Variants in CNIH3 observed in about 807,000 individuals in gnomAD.
CNIH3 encodes cornichon family AMPA receptor auxiliary protein 3.
A neutral mutation model predicts 24.1 loss-of-function variants in CNIH3; 14 were observed. That is an observed-to-expected ratio of 0.58 (90% confidence interval 0.38 to 0.91). The LOEUF (loss-of-function observed/expected upper bound fraction) is 0.91, where lower values mean the gene tolerates loss of function less well. Ranked by LOEUF, CNIH3 falls within the 40% of genes least tolerant of loss-of-function variation. The probability of loss-of-function intolerance (pLI) is 0.00; values close to 1 mark genes in which losing one functional copy is unlikely to be tolerated. For missense variants in CNIH3, 178 were observed against 196.8 expected, an observed-to-expected ratio of 0.90 and a Z score of 0.57; for synonymous variants, 68 against 73.8, an observed-to-expected ratio of 0.92 and a Z score of 0.40.
At chr1:224,667,912 A>G (rs1685673987) in intron 1 of CNIH3, among the ~76,000 whole-genome samples, 1 of 152,176 alleles carries the variant, frequency 6.6e-6, no homozygotes. Flanking sequence ...TGGATAGACA[A>G]AGTATAGTGG....
rs1198000217 is a variant in CNIH3 at position 224,616,831 on chromosome 1, G to T, written c.-344G>T. The T allele has an allele frequency of 1.8e-6, 2 of 1,118,264 alleles. No homozygotes were observed. The highest frequency in any genetic ancestry group is 1.1e-6 in the Non-Finnish European group (1 of 914,950). The allele number at this position is 1,118,264 out of a possible 1,614,324, so 69.3% of individuals were successfully genotyped here. On this transcript the variant is annotated 5_prime_UTR_variant, in exon 1 of 6. Transcript: ENST00000272133. Reference sequence around the variant, plus strand: ...CGGTCCTCCGTGGAGTCGTCGCATCGCTTGTCGTGTTGGTCTCGAGGGGCT... The same window carrying T: ...CGGTCCTCCGTGGAGTCGTCGCATCTCTTGTCGTGTTGGTCTCGAGGGGCT...
At chr1:224,719,718 G>A (rs773233634) in intron 3 of CNIH3, among the ~76,000 whole-genome samples, 1 of 152,176 alleles carries the variant, frequency 6.6e-6, no homozygotes, top group Non-Finnish European at 1.5e-5. Context: ...GTTTACCGAA[G>A]TTTCTGTAGT....
chr1:224,444,790 G>A (rs1200830863), intron 1 of CNIH3, among the ~76,000 whole-genome samples: 5 of 151,376 alleles, frequency 3.3e-5, no homozygotes, highest in South Asian at 4.2e-4. Flanking sequence ...GATTACAGGC[G>A]TGCGCCACCA....
chr1:224,480,251 C>T (rs923808879), intron 1 of CNIH3, among the ~76,000 whole-genome samples: 8 of 152,222 alleles, frequency 5.3e-5, no homozygotes, highest in African/African-American at 1.9e-4. Flanking sequence ...GGACACACAG[C>T]ACCAAGTCCC....
intron 3 of CNIH3, among the ~76,000 whole-genome samples, chr1:224,723,635 C>T (rs923925809): frequency 3.9e-5 from 6 of 152,244 alleles, no homozygotes; most frequent in South Asian, 2.1e-4. Context: ...GGTCCTGGCT[C>T]ACTCAGGCAG....
intron 1 of CNIH3, among the ~76,000 whole-genome samples, chr1:224,518,148 C>T (rs556997030): frequency 4.6e-5 from 7 of 152,232 alleles, no homozygotes; most frequent in African/African-American, 1.7e-4. Context: ...AGCAGCAGAG[C>T]CGGCCCTCAC....
At chr1:224,626,657 C>T (rs564893907) in intron 1 of CNIH3, among the ~76,000 whole-genome samples, 21 of 152,114 alleles carry the variant, frequency 1.4e-4, no homozygotes, top group Middle Eastern at 3.4e-3. Context: ...CTCATGGGAT[C>T]GACATAAACT....
At chr1:224,438,993 G>C (rs1035039186) in intron 1 of CNIH3, among the ~76,000 whole-genome samples, 5 of 152,172 alleles carry the variant, frequency 3.3e-5, no homozygotes, top group African/African-American at 9.7e-5. Flanking sequence ...GGTTAGGATT[G>C]TTTCTGAGCT....
At chr1:224,449,053 C>T (rs1307086709) in intron 1 of CNIH3, among the ~76,000 whole-genome samples, 2 of 151,460 alleles carry the variant, frequency 1.3e-5, no homozygotes, top group Non-Finnish European at 2.9e-5. Flanking sequence ...CAACCTCCGC[C>T]TCTCAGGTTC....
rs548118575 is a variant in CNIH3 at position 224,684,931 on chromosome 1, C to T, written c.198+88C>T. 1 of 1,273,604 alleles carries T rather than the reference C, an allele frequency of 7.9e-7. No individual in the cohort carries two copies. Among genetic ancestry groups the T allele is most frequent in the African/African-American group, 1.5e-5 (1 of 68,116 alleles). 78.9% of individuals were successfully genotyped at this position (1,273,604 alleles called of 1,614,324 possible). On this transcript the variant is annotated intron_variant, in intron 3 of 5. Coordinates refer to ENST00000272133, the MANE Select transcript of CNIH3 (RefSeq NM_152495.2). The surrounding 1 kb of genome is among the most constrained non-coding windows in gnomAD (Gnocchi z 4.2). The stretch of plus-strand genomic sequence containing the variant: ...AAAGAGGCTAGTGAGGCTCTGCCTG[C>T]TCCAGTCCTGTCCACCAGGGAGGCA...
In CNIH3 at chr1:224,684,642, A is replaced by G. The variant is rs1686565185; in HGVS notation, c.151-154A>G. Among the ~76,000 whole-genome samples, 1 of 152,178 alleles carries G rather than the reference A, an allele frequency of 6.6e-6. No individual in the cohort carries two copies. Among genetic ancestry groups the G allele is most frequent in the Non-Finnish European group, 1.5e-5 (1 of 68,022 alleles). ...AAGAAAGTCAGAAACTCTGTTAGAA[A>G]AAGCCACTGGGTGGGAGCATGCTGG... On this transcript the variant is annotated intron_variant, in intron 2 of 5. Coordinates refer to ENST00000272133, the MANE Select transcript of CNIH3 (RefSeq NM_152495.2). This position sits in a 1 kb window ranked among gnomAD's most constrained non-coding sequence, Gnocchi z 4.2.
At chr1:224,621,893 G>A (rs1354738288) in intron 1 of CNIH3, among the ~76,000 whole-genome samples, 1 of 152,162 alleles carries the variant, frequency 6.6e-6, no homozygotes, top group Non-Finnish European at 1.5e-5. Flanking sequence ...GGAGGTAATT[G>A]AATCGTGGGG....
At chr1:224,491,941 C>A (rs1249114886) in intron 1 of CNIH3, among the ~76,000 whole-genome samples, 1 of 152,092 alleles carries the variant, frequency 6.6e-6, no homozygotes. Flanking sequence ...TTTGTAGAGA[C>A]AAGATCTTGC....
chr1:224,532,597 C>A (rs1170861492), intron 2 of CNIH3, among the ~76,000 whole-genome samples: 1 of 152,092 alleles, frequency 6.6e-6, no homozygotes, highest in Non-Finnish European at 1.5e-5. Context: ...CATAGGACAA[C>A]CAACAGGTAT....
chr1:224,517,628 C>T (rs1678447450), intron 1 of CNIH3, among the ~76,000 whole-genome samples: 1 of 151,886 alleles, frequency 6.6e-6, no homozygotes, highest in Admixed American at 6.6e-5. Context: ...CCCTCACCCC[C>T]TCCCACCCTT....
At chr1:224,480,917 C>A (rs1392271600) in intron 1 of CNIH3, among the ~76,000 whole-genome samples, 1 of 152,122 alleles carries the variant, frequency 6.6e-6, no homozygotes, top group Non-Finnish European at 1.5e-5. Context: ...TTTTTGGTAT[C>A]TTTTCAGCAA....
At position 224,654,954 on chromosome 1, in the gene CNIH3, G is replaced by A. The variant is rs543305436; in HGVS notation, c.82-26004G>A. ...TAACCTTCAGGTCTCTCTTTGGCTCGTGTATCTTTTAGGGTCCCATTAGAA... is the reference window on the plus strand; with the variant it reads ...TAACCTTCAGGTCTCTCTTTGGCTCATGTATCTTTTAGGGTCCCATTAGAA... On this transcript the variant is annotated intron_variant, in intron 1 of 5. Coordinates refer to ENST00000272133, the MANE Select transcript of CNIH3 (RefSeq NM_152495.2). 6.6e-5 allele frequency among the ~76,000 whole-genome samples: 10 copies of A among 152,238 alleles called. No individual in the cohort carries two copies. In the South Asian group the frequency reaches 1.7e-3, roughly 25 times the overall value.
chr1:224,623,318 T>C (rs1267967490), intron 1 of CNIH3, among the ~76,000 whole-genome samples: 2 of 152,146 alleles, frequency 1.3e-5, no homozygotes, highest in Non-Finnish European at 2.9e-5. Flanking sequence ...CTGCTGCTGC[T>C]CTCCACTGCT....
chr1:224,712,059 C>G (rs543676277), intron 3 of CNIH3, among the ~76,000 whole-genome samples: 1 of 152,050 alleles, frequency 6.6e-6, no homozygotes, highest in Non-Finnish European at 1.5e-5. Flanking sequence ...GCTTCAAGCC[C>G]GGGCCAGCCG....
Sources: gnomAD v4.1 joint callset for allele counts (sites outside exome capture counted in the v4.1 genomes callset) on GRCh38, gnomAD v4.1.1 for gene constraint, Gnocchi (gnomAD v3.1) non-coding constraint, MANE v1.5 for transcripts, NCBI Gene and HGNC (gene_info 2026-07-23, HGNC 2026-07-21) for gene names.